The following KIRREL3 variants were observed in gnomAD, a reference collection of about 807,000 sequenced individuals.
KIRREL3 encodes the protein kirre like nephrin family adhesion molecule 3.
A neutral mutation model predicts 89.7 loss-of-function variants in KIRREL3; 36 were observed. That is an observed-to-expected ratio of 0.40 (90% CI 0.31 to 0.53). The LOEUF (loss-of-function observed/expected upper bound fraction) is 0.53, where lower values mean the gene tolerates loss of function less well. Ranked by LOEUF, KIRREL3 falls within the 20% of genes least tolerant of loss-of-function variation. KIRREL3 has a pLI of 0.49. For synonymous variants in KIRREL3, 445 were observed against 441.4 expected (o/e 1.01, Z -0.10); for missense variants, 864 against 1,056.6 (o/e 0.82, Z 2.53).
At chr11:126,854,464 A>G (rs954405644) in intron 1 of KIRREL3, among the ~76,000 whole-genome samples, 20 of 152,212 alleles carry the variant, frequency 1.3e-4, no homozygotes, top group African/African-American at 4.8e-4. Context: ...TCATATAAGT[A>G]GAACCATACA....
chr11:126,456,302 G>T, intron 7 of KIRREL3, 47 bp downstream of exon 7: 2 of 1,306,758 alleles, frequency 1.5e-6, no homozygotes, highest in Non-Finnish European at 2.2e-6. Context: ...GAGGCACGGG[G>T]GTGGGGGCCA....
In KIRREL3 at chr11:126,805,858, A is replaced by C. The variant is rs1224191205; in HGVS notation, c.55+194597T>G. On this transcript the variant is annotated intron_variant, in intron 1 of 16. Coordinates refer to ENST00000525144, the MANE Select transcript of KIRREL3 (RefSeq NM_032531.4). This position sits in a 1 kb window ranked among gnomAD's most constrained non-coding sequence, Gnocchi z 4.3. The stretch of plus-strand genomic sequence containing the variant: ...GTTCCCACTCAGCCCCCAGCAGACC[A>C]GAGAGTCAAACCCAACCCAGTGGGC... 2.0e-5 allele frequency among the ~76,000 whole-genome samples: 3 copies of C among 152,188 alleles called. No homozygotes were observed. The highest frequency in any genetic ancestry group is 4.4e-5 in the Non-Finnish European group (3 of 68,028).
Position 126,931,864 on chromosome 11 carries a change from C to T in KIRREL3, c.55+68591G>A, listed in dbSNP as rs1947963185. Reference sequence around the variant, plus strand: ...CCCCAGGACACGTGTTGCCTTCTCACCCCAATAGGAGTAGATGGACGAGGC... The same window carrying T: ...CCCCAGGACACGTGTTGCCTTCTCATCCCAATAGGAGTAGATGGACGAGGC... On this transcript the variant is annotated intron_variant, in intron 1 of 16. Coordinates refer to ENST00000525144, the MANE Select transcript of KIRREL3 (RefSeq NM_032531.4). The surrounding 1 kb of genome is among the most constrained non-coding windows in gnomAD (Gnocchi z 5.1). 1.3e-5 allele frequency among the ~76,000 whole-genome samples: 2 copies of T among 152,148 alleles called. No individual in the cohort carries two copies. Among genetic ancestry groups the T allele is most frequent in the African/African-American group, 2.4e-5 (1 of 41,420 alleles).
chr11:126,669,322 T>C lies in KIRREL3; in HGVS notation c.56-106410A>G, dbSNP rs1262423558. ...CAGCGTATTTCAAACACGTGCAAGA[T>C]CTTCCTCCTTCCCTGAGACACTTAC... On this transcript the variant is annotated intron_variant, in intron 1 of 16. Transcript: ENST00000525144. The surrounding 1 kb of genome is among the most constrained non-coding windows in gnomAD (Gnocchi z 5.0). 6.6e-6 allele frequency among the ~76,000 whole-genome samples: 1 copy of C among 152,218 alleles called. No individual in the cohort carries two copies. Among genetic ancestry groups the C allele is most frequent in the Admixed American group, 6.5e-5 (1 of 15,278 alleles).
Position 126,892,941 on chromosome 11 carries a change from G to A in KIRREL3, c.55+107514C>T, listed in dbSNP as rs567412487. 6.6e-6 allele frequency among the ~76,000 whole-genome samples: 1 copy of A among 152,328 alleles called. No individual in the cohort carries two copies. Among genetic ancestry groups the A allele is most frequent in the East Asian group, 1.9e-4 (1 of 5,180 alleles). Reference sequence around the variant, plus strand: ...TGCAGAATCGGGCTAGGATAGGGCTGAGTATTCTAATTGCCTGTGGGATAG... The same window carrying A: ...TGCAGAATCGGGCTAGGATAGGGCTAAGTATTCTAATTGCCTGTGGGATAG... On this transcript the variant is annotated intron_variant, in intron 1 of 16. Coordinates refer to ENST00000525144, the MANE Select transcript of KIRREL3 (RefSeq NM_032531.4). This position sits in a 1 kb window ranked among gnomAD's most constrained non-coding sequence, Gnocchi z 5.4.
intron 1 of KIRREL3, among the ~76,000 whole-genome samples, chr11:126,821,565 C>T (rs1487925114): frequency 1.3e-5 from 2 of 151,752 alleles, no homozygotes; most frequent in Non-Finnish European, 2.9e-5. Flanking sequence ...GTGAGGTAGG[C>T]AGAATAATGT....
At chr11:126,841,007 T>C (rs1413721951) in intron 1 of KIRREL3, among the ~76,000 whole-genome samples, 1 of 152,218 alleles carries the variant, frequency 6.6e-6, no homozygotes, top group East Asian at 1.9e-4. Flanking sequence ...TGTGAAACTG[T>C]CAACAGCATA....
chr11:126,947,048 A>G (rs1466345846), intron 1 of KIRREL3, among the ~76,000 whole-genome samples: 1 of 152,060 alleles, frequency 6.6e-6, no homozygotes, highest in Non-Finnish European at 1.5e-5. Context: ...TGCCTACATC[A>G]GCTTGGTTTT....
rs1369349967 is a variant in KIRREL3 at position 126,541,319 on chromosome 11, T to C, written c.134-14632A>G. Among the ~76,000 whole-genome samples the C allele has an allele frequency of 6.6e-6, 1 of 152,156 alleles. No individual in the cohort carries two copies. The highest frequency in any genetic ancestry group is 6.5e-5 in the Admixed American group (1 of 15,276). On this transcript the variant is annotated intron_variant, in intron 2 of 16. Transcript: ENST00000525144. This position sits in a 1 kb window ranked among gnomAD's most constrained non-coding sequence, Gnocchi z 4.8. ...CTTTAACTAAGACTCAGATGCCTTA[T>C]CTGTAAAATGCAAGGTTTAAGCGCC...
intron 1 of KIRREL3, among the ~76,000 whole-genome samples, chr11:126,667,014 T>G (rs1453206228): frequency 6.6e-6 from 1 of 152,186 alleles, no homozygotes; most frequent in Non-Finnish European, 1.5e-5. Flanking sequence ...CAAGGCACTT[T>G]AATTTGCCAA....
chr11:126,968,681 C>G (rs1323648531), intron 1 of KIRREL3, among the ~76,000 whole-genome samples: 1 of 152,222 alleles, frequency 6.6e-6, no homozygotes, highest in Non-Finnish European at 1.5e-5. Flanking sequence ...CTGCTCTAAG[C>G]TGGGTAAACT....
rs986951773 is a variant in KIRREL3, at chr11:126,612,318, A to G, written c.56-49406T>C. ...TGCTCCCTCAGAATTTGAGTATTAT[A>G]TGGACACCCCTGGCATAGAATAAAT... On this transcript the variant is annotated intron_variant, in intron 1 of 16. Transcript: ENST00000525144. The surrounding 1 kb of genome is among the most constrained non-coding windows in gnomAD (Gnocchi z 4.5). 6.6e-6 allele frequency among the ~76,000 whole-genome samples: 1 copy of G among 152,142 alleles called. No homozygotes were observed. Among genetic ancestry groups the G allele is most frequent in the African/African-American group, 2.4e-5 (1 of 41,434 alleles).
intron 1 of KIRREL3, among the ~76,000 whole-genome samples, chr11:126,649,630 G>A (rs1944830133): frequency 6.6e-6 from 1 of 152,196 alleles, no homozygotes; most frequent in Non-Finnish European, 1.5e-5. Context: ...TGCAAGAGGT[G>A]GGTTCCCATG....
chr11:126,450,482 T>C (rs1259638608), intron 7 of KIRREL3, among the ~76,000 whole-genome samples: 3 of 146,186 alleles, frequency 2.1e-5, no homozygotes, highest in African/African-American at 7.6e-5. Flanking sequence ...TGCATGTGTG[T>C]GGGTGTGAGT....
intron 1 of KIRREL3, among the ~76,000 whole-genome samples, chr11:126,829,945 T>C (rs1478260560): frequency 6.6e-6 from 1 of 152,208 alleles, no homozygotes; most frequent in Non-Finnish European, 1.5e-5. Flanking sequence ...CCTGGAAAGA[T>C]GTGCATAGTC....
rs1453554467 is a variant in KIRREL3, at chr11:126,989,229, G to T, written c.55+11226C>A. On this transcript the variant is annotated intron_variant, in intron 1 of 16. Transcript: ENST00000525144. The surrounding 1 kb of genome is among the most constrained non-coding windows in gnomAD (Gnocchi z 6.2). ...AAAAGTTTTCTTTTCTACAAGAGAT[G>T]CTGAAGAAGTCACCTGGAATTTGCT... 6.6e-6 allele frequency among the ~76,000 whole-genome samples: 1 copy of T among 152,184 alleles called. No homozygotes were observed. Among genetic ancestry groups the T allele is most frequent in the Non-Finnish European group, 1.5e-5 (1 of 68,044 alleles).
In KIRREL3 at chr11:126,976,756, A is replaced by T. The variant is rs2135233976; in HGVS notation, c.55+23699T>A. ...TTAATCTACTTAACAAATCTATGGC[A>T]TACATACTCTTGATATGTCTACATC... On this transcript the variant is annotated intron_variant, in intron 1 of 16. Coordinates refer to ENST00000525144, the MANE Select transcript of KIRREL3 (RefSeq NM_032531.4). This position sits in a 1 kb window ranked among gnomAD's most constrained non-coding sequence, Gnocchi z 4.2. 1.3e-5 allele frequency among the ~76,000 whole-genome samples: 2 copies of T among 152,284 alleles called. No homozygotes were observed. Among genetic ancestry groups the T allele is most frequent in the East Asian group, 3.9e-4 (2 of 5,188 alleles).
In KIRREL3 at chr11:126,476,065, C is replaced by G. The variant is rs1024540825; in HGVS notation, c.434-2599G>C. Reference sequence around the variant, plus strand: ...GAGCAGAGGGTGGAGCAGGAAGCCCCTTCTCTCAGGGTGGCTTCAGGTGCA... The same window carrying G: ...GAGCAGAGGGTGGAGCAGGAAGCCCGTTCTCTCAGGGTGGCTTCAGGTGCA... On this transcript the variant is annotated intron_variant, in intron 4 of 16. Transcript: ENST00000525144. This position sits in a 1 kb window ranked among gnomAD's most constrained non-coding sequence, Gnocchi z 6.4. Among the ~76,000 whole-genome samples the G allele has an allele frequency of 6.6e-6, 1 of 152,164 alleles. No homozygotes were observed. The highest frequency in any genetic ancestry group is 1.5e-5 in the Non-Finnish European group (1 of 68,018).
rs189362316 is a variant in KIRREL3, at chr11:126,475,459, G to A, written c.434-1993C>T. Among the ~76,000 whole-genome samples, 3 of 152,314 alleles carry A rather than the reference G, an allele frequency of 2.0e-5. No individual in the cohort carries two copies. Among genetic ancestry groups the A allele is most frequent in the South Asian group, 4.1e-4 (2 of 4,826 alleles). On this transcript the variant is annotated intron_variant, in intron 4 of 16. Coordinates refer to ENST00000525144, the MANE Select transcript of KIRREL3 (RefSeq NM_032531.4). This position sits in a 1 kb window ranked among gnomAD's most constrained non-coding sequence, Gnocchi z 7.5. ...CTTGCCCTCCCTGCCCGGCCTTGGAGGCCTGCTCCCACACTAACAGCACAG... is the reference window on the plus strand; with the variant it reads ...CTTGCCCTCCCTGCCCGGCCTTGGAAGCCTGCTCCCACACTAACAGCACAG...
Sources: allele counts gnomAD v4.1 joint callset (sites outside exome capture counted in the v4.1 genomes callset), GRCh38; gene constraint gnomAD v4.1.1; non-coding constraint Gnocchi (gnomAD v3.1); transcripts MANE v1.5; gene names NCBI Gene and HGNC (gene_info 2026-07-23, HGNC 2026-07-21).